PLXNA4: variants seen among roughly 807,000 people sequenced by gnomAD.
PLXNA4 encodes plexin A4, also known as plexin-A4.
In PLXNA4, 44 loss-of-function variants were observed where a neutral mutation model predicts 191.8. The ratio of observed to expected loss-of-function variants is 0.23; its 90% CI spans 0.18 to 0.29. The LOEUF (loss-of-function observed/expected upper bound fraction) is 0.29, where lower values mean the gene tolerates loss of function less well. Among genes scored for constraint, PLXNA4 ranks in the 10% least tolerant of loss-of-function variants. The pLI is 1.00. For synonymous variants in PLXNA4, 1,082 were observed against 1,009.5 expected, an observed-to-expected ratio of 1.07 and a Z score of -1.36; for missense variants, 1,800 against 2,488.8, an observed-to-expected ratio of 0.72 and a Z score of 5.89.
At chr7:132,450,776 G>A (rs2117299362) in intron 3 of PLXNA4, among the ~76,000 whole-genome samples, 1 of 152,292 alleles carries the variant, frequency 6.6e-6, no homozygotes, top group Non-Finnish European at 1.5e-5. Context: ...CTTTCTCTCT[G>A]AGATTCTGGA....
intron 2 of PLXNA4, among the ~76,000 whole-genome samples, chr7:132,640,768 G>T (rs1274877482): frequency 2.0e-5 from 2 of 101,630 alleles, no homozygotes; most frequent in African/African-American, 8.5e-5. Flanking sequence ...ATTGTCTTAT[G>T]TCTACTGAAA....
chr7:132,126,099 G>A lies in PLXNA4; in HGVS notation c.*4380C>T, dbSNP rs555250177. The A allele has an allele frequency of 2.0e-5, 3 of 152,492 alleles. No homozygotes were observed. The South Asian group carries it at 6.2e-4, about 32-fold the overall frequency. The allele number at this position is 152,492 out of a possible 1,614,324, so 9.4% of individuals were successfully genotyped here. On this transcript the variant is annotated 3_prime_UTR_variant, in exon 32 of 32. Coordinates refer to ENST00000321063, the MANE Select transcript of PLXNA4 (RefSeq NM_020911.2). ...GTGTCCCCTTGGTCCTGGGAAAGAA[G>A]ACAGATGGAAATTGAGCTTTTCTTT...
intron 3 of PLXNA4, among the ~76,000 whole-genome samples, chr7:132,318,765 T>G (rs916707997): frequency 2.0e-5 from 3 of 146,568 alleles, no homozygotes; most frequent in African/African-American, 7.6e-5. Flanking sequence ...ACAGGCAAAA[T>G]CACAGATGCT....
intron 28 of PLXNA4, 139 bp from the exon 29 acceptor site, chr7:132,145,427 C>T (rs1476403730): frequency 8.7e-7 from 1 of 1,147,368 alleles, no homozygotes; most frequent in South Asian, 1.6e-5. Context: ...TAAGTCCATG[C>T]ATTAAATCAT....
At chr7:132,525,296 C>T (rs916300604) in intron 1 of PLXNA4, among the ~76,000 whole-genome samples, 6 of 152,216 alleles carry the variant, frequency 3.9e-5, no homozygotes, top group African/African-American at 1.4e-4. Flanking sequence ...GTCACCGAGG[C>T]TGGCATGCAG....
At chr7:132,228,168 T>C (rs977082969) in intron 6 of PLXNA4, among the ~76,000 whole-genome samples, 178 bp downstream of exon 6, 7 of 152,190 alleles carry the variant, frequency 4.6e-5, no homozygotes, top group African/African-American at 1.7e-4. Flanking sequence ...CCCTGTCTCC[T>C]TCTTGCATCC....
rs1794857213 is a variant in PLXNA4 at position 132,129,130 on chromosome 7, C to T, written c.*1349G>A. ...TCCCTCTTCTTAATTCCAGCCAGGC[C>T]CATCAGCTCGACTCTTTGTCCCTCC... On this transcript the variant is annotated 3_prime_UTR_variant, in exon 32 of 32. Transcript: ENST00000321063. 6.6e-6 allele frequency: 1 copy of T among 152,318 alleles called. No individual in the cohort carries two copies. The highest frequency in any genetic ancestry group is 2.4e-5 in the African/African-American group (1 of 41,564). The allele number at this position is 152,318 out of a possible 1,614,324, so 9.4% of individuals were successfully genotyped here. A position where few individuals can be genotyped will look rare whatever the true frequency, so the allele number is the denominator to read the frequency against.
chr7:132,627,157 A>T (rs944819511), intron 2 of PLXNA4, among the ~76,000 whole-genome samples: 1 of 152,234 alleles, frequency 6.6e-6, no homozygotes, highest in Non-Finnish European at 1.5e-5. Flanking sequence ...CATGGCTCAT[A>T]AAGAAGAATG....
At position 132,133,137 on chromosome 7, in the gene PLXNA4, G is replaced by T; in HGVS notation, c.5501C>A (p.Ala1834Asp). The T allele has an allele frequency of 6.2e-7, 1 of 1,614,188 alleles. No homozygotes were observed. Residue 1834 changes from alanine to aspartate, a missense_variant, in exon 31 of 32, where the codon GCT becomes GAT. By Grantham distance (126) the Ala-to-Asp change is moderately radical (BLOSUM62 -2). Transcript: ENST00000321063. ...ISDQDMNAYL[A>D]EQSRMHMNEF... ...ATTCATGTGCATCCGGGACTGCTCA[G>T]CCAGGTATGCGTTCATGTCTTGGTC...
intron 3 of PLXNA4, among the ~76,000 whole-genome samples, chr7:132,463,242 G>A (rs1017328038): frequency 6.6e-6 from 1 of 152,162 alleles, no homozygotes; most frequent in African/African-American, 2.4e-5. Flanking sequence ...AGGGGAGGAG[G>A]AAGGGCCAGA....
At chr7:132,157,926 G>A (rs1795842778) in intron 25 of PLXNA4, among the ~76,000 whole-genome samples, 1 of 152,188 alleles carries the variant, frequency 6.6e-6, no homozygotes, top group South Asian at 2.1e-4. Context: ...GGCTCTTCAT[G>A]GCAGCAAATC....
chr7:132,326,527 C>G (rs149970279), intron 3 of PLXNA4, among the ~76,000 whole-genome samples: 1 of 152,030 alleles, frequency 6.6e-6, no homozygotes, highest in African/African-American at 2.4e-5. Flanking sequence ...CGTCCTTCCC[C>G]TTGCCTTCCC....
intron 3 of PLXNA4, among the ~76,000 whole-genome samples, chr7:132,361,465 T>A (rs752757017): frequency 2.6e-5 from 4 of 152,192 alleles, no homozygotes; most frequent in Non-Finnish European, 4.4e-5. Flanking sequence ...CAATCAAGTT[T>A]GAGAATGGTC....
At chr7:132,641,960 G>A (rs1803751774) in intron 2 of PLXNA4, among the ~76,000 whole-genome samples, 1 of 152,056 alleles carries the variant, frequency 6.6e-6, no homozygotes, top group South Asian at 2.1e-4. Context: ...TGTTAAATGT[G>A]GGGAAATGTG....
chr7:132,410,740 C>T (rs1459918544), intron 3 of PLXNA4, among the ~76,000 whole-genome samples: 1 of 152,180 alleles, frequency 6.6e-6, no homozygotes, highest in Non-Finnish European at 1.5e-5. Context: ...AGACTGCTAT[C>T]GTTTATGCTT....
intron 2 of PLXNA4, among the ~76,000 whole-genome samples, chr7:132,642,535 G>A (rs1443331827): frequency 6.6e-6 from 1 of 151,912 alleles, no homozygotes; most frequent in East Asian, 1.9e-4. Context: ...CAGGGGCCTG[G>A]AGAGAGAAAC....
At position 132,171,990 on chromosome 7, in the gene PLXNA4, G is replaced by A. The variant is rs576432956; in HGVS notation, c.4017+2788C>T. Among the ~76,000 whole-genome samples, 3 of 152,232 alleles carry A rather than the reference G, an allele frequency of 2.0e-5. No homozygotes were observed. The South Asian group carries it at 6.2e-4, about 32-fold the overall frequency. ...CTTTCCAGGGATCCCTTTCCTCCAAGAGTTTCCCAGACATCTAGTGCATCA... is the reference window on the plus strand; with the variant it reads ...CTTTCCAGGGATCCCTTTCCTCCAAAAGTTTCCCAGACATCTAGTGCATCA... On this transcript the variant is annotated intron_variant, in intron 21 of 31. Coordinates refer to ENST00000321063, the MANE Select transcript of PLXNA4 (RefSeq NM_020911.2).
rs570100171 is a variant in PLXNA4, at chr7:132,458,588, CA to C, written c.1371+30703del. Among the ~76,000 whole-genome samples the C allele has an allele frequency of 3.3e-5, 5 of 151,246 alleles. No homozygotes were observed. The South Asian group carries it at 1.1e-3, about 32-fold the overall frequency. The stretch of plus-strand genomic sequence containing the variant: ...CAAGAGAGTATGGACTGCAGGATTC[CA>C]GGCACATCAAGCAGAAAGCAGGCAA... On this transcript the variant is annotated intron_variant, in intron 3 of 31. Transcript: ENST00000321063.
chr7:132,510,376 G>A (rs1201308451), intron 1 of PLXNA4, among the ~76,000 whole-genome samples: 5 of 152,218 alleles, frequency 3.3e-5, no homozygotes, highest in Non-Finnish European at 2.9e-5. Flanking sequence ...GCCTTCTCCA[G>A]TCAATATCAG....
Sources: allele counts gnomAD v4.1 joint callset (sites outside exome capture counted in the v4.1 genomes callset), GRCh38; gene constraint gnomAD v4.1.1; transcripts MANE v1.5; gene names NCBI Gene and HGNC (gene_info 2026-07-23, HGNC 2026-07-21).